PLA2G5: variants seen among roughly 807,000 people sequenced by gnomAD.
PLA2G5 encodes phospholipase A2 group V, also known as Ca2+-dependent phospholipase A2.
Under a neutral mutation model 15.9 loss-of-function variants are expected in PLA2G5, and 12 were observed. The ratio of observed to expected loss-of-function variants is 0.76; its 90% CI spans 0.48 to 1.23. The LOEUF (loss-of-function observed/expected upper bound fraction) is 1.23. Ranked by LOEUF, PLA2G5 falls within the 50% of genes most tolerant of loss-of-function variation. The pLI is 0.00. For synonymous variants in PLA2G5, 71 were observed against 71.4 expected, an observed-to-expected ratio of 0.99 and a Z score of 0.03; for missense variants, 169 against 177.1, an observed-to-expected ratio of 0.95 and a Z score of 0.26.
At chr1:20,062,994 G>A (rs681784) in intron 2 of PLA2G5, among the ~76,000 whole-genome samples, 3 of 152,118 alleles carry the variant, frequency 2.0e-5, no homozygotes, top group South Asian at 2.1e-4. Flanking sequence ...ATCCATGGAC[G>A]TGGGGAAGCA....
chr1:20,029,575 C>G (rs2012794442), intron 1 of PLA2G5, among the ~76,000 whole-genome samples: 1 of 152,110 alleles, frequency 6.6e-6, no homozygotes, highest in Non-Finnish European at 1.5e-5. Flanking sequence ...ATTTGGGCAG[C>G]AAATGCCTGT....
intron 1 of PLA2G5, among the ~76,000 whole-genome samples, chr1:20,040,205 TCCTTTGCTATA>T (rs1329289279): frequency 2.6e-5 from 4 of 152,194 alleles, no homozygotes; most frequent in African/African-American, 9.7e-5. Context: ...ATACTATATG[TCCTTTGCTATA>T]CCCAGGCACT....
intron 1 of PLA2G5, among the ~76,000 whole-genome samples, chr1:20,071,367 C>T (rs1279137031): frequency 6.6e-6 from 1 of 152,158 alleles, no homozygotes; most frequent in African/African-American, 2.4e-5. Flanking sequence ...GAGACACCCT[C>T]AAGGATTCAC....
chr1:20,048,220 T>C (rs1356640514), intron 1 of PLA2G5, among the ~76,000 whole-genome samples: 2 of 152,190 alleles, frequency 1.3e-5, no homozygotes, highest in African/African-American at 4.8e-5. Flanking sequence ...TTTTCAAGTT[T>C]AATAACTTAA....
chr1:20,057,367 A>C (rs2014489280), intron 1 of PLA2G5, among the ~76,000 whole-genome samples: 1 of 151,178 alleles, frequency 6.6e-6, no homozygotes, highest in Non-Finnish European at 1.5e-5. Context: ...TTTTCCTTTA[A>C]ACACTGTTGT....
chr1:20,043,510 G>A (rs894684244), intron 1 of PLA2G5, among the ~76,000 whole-genome samples: 8 of 152,034 alleles, frequency 5.3e-5, no homozygotes, highest in Non-Finnish European at 1.5e-5. Context: ...AGGGAGTAGA[G>A]GTGTCCCATA....
At chr1:20,057,979 T>C (rs2014522382) in intron 1 of PLA2G5, among the ~76,000 whole-genome samples, 1 of 152,226 alleles carries the variant, frequency 6.6e-6, no homozygotes, top group Non-Finnish European at 1.5e-5. Flanking sequence ...TCCATTGTGG[T>C]CTAAAAGCAT....
In PLA2G5 at chr1:20,091,777, C is replaced by T. The variant is rs779114855; in HGVS notation, c.*1085C>T. The stretch of plus-strand genomic sequence containing the variant: ...ATGTATTCCAAAACAAAGGAACATC[C>T]TTCCAAGAAAGGACCTATGGCTTCT... On this transcript the variant is annotated 3_prime_UTR_variant, in exon 5 of 5. Coordinates refer to ENST00000375108, the MANE Select transcript of PLA2G5 (RefSeq NM_000929.3). 3.9e-5 allele frequency among the ~76,000 whole-genome samples: 6 copies of T among 152,260 alleles called. No homozygotes were observed. The Middle Eastern group carries it at 0.01, about 259-fold the overall frequency.
Position 20,070,384 on chromosome 1 carries a change from G to T in PLA2G5, c.-92G>T, listed in dbSNP as rs1325000378. 3.0e-6 allele frequency: 3 copies of T among 985,380 alleles called. No individual in the cohort carries two copies. In the East Asian group the frequency reaches 3.4e-4, roughly 112 times the overall value. 61.0% of individuals were successfully genotyped at this position (985,380 alleles called of 1,614,324 possible). A position where few individuals can be genotyped will look rare whatever the true frequency, so the allele number is the denominator to read the frequency against. ...CCGACTGGAGACGGGGAGCCCGCGA[G>T]ACCCGGGTCTCCAGGGTCTGCCCAA... On this transcript the variant is annotated 5_prime_UTR_variant, in exon 1 of 5. Coordinates refer to ENST00000375108, the MANE Select transcript of PLA2G5 (RefSeq NM_000929.3).
At chr1:20,057,009 T>C (rs1332003626) in intron 1 of PLA2G5, among the ~76,000 whole-genome samples, 1 of 152,184 alleles carries the variant, frequency 6.6e-6, no homozygotes, top group Non-Finnish European at 1.5e-5. Context: ...CATGGAGTTG[T>C]TTATAATATT....
rs2020884 is a variant in PLA2G5, at chr1:20,089,918, G to A, written c.292+23G>A. The A allele has an allele frequency of 3.0e-3, 4,706 of 1,564,064 alleles. 115 individuals are homozygous for A. In the African/African-American group the frequency reaches 0.055, roughly 18 times the overall value. On this transcript the variant is annotated intron_variant, in intron 4 of 4. Coordinates refer to ENST00000375108, the MANE Select transcript of PLA2G5 (RefSeq NM_000929.3). ...GCGGTAAGGCTGGGGCTTCCCGTTC[G>A]GGCCATTGGAAGAGCACCTGACTTT... is the stretch of plus-strand genomic sequence containing the variant.
chr1:20,029,382 T>TGTTC (rs2012770391), intron 1 of PLA2G5, among the ~76,000 whole-genome samples: 1 of 151,944 alleles, frequency 6.6e-6, no homozygotes, highest in Non-Finnish European at 1.5e-5. Flanking sequence ...TCCGCTGACA[T>TGTTC]GTTCCTCCGC....
chr1:20,090,950 C>T lies in PLA2G5; in HGVS notation c.*258C>T. The T allele has an allele frequency of 2.5e-6, 1 of 397,520 alleles. No individual in the cohort carries two copies. Among genetic ancestry groups the T allele is most frequent in the South Asian group, 5.0e-5 (1 of 19,806 alleles). The allele number at this position is 397,520 out of a possible 1,614,324, so 24.6% of individuals were successfully genotyped here. A position where few individuals can be genotyped will look rare whatever the true frequency, so the allele number is the denominator to read the frequency against. ...CAGCCCCTCTGGTGCCAAGAGCTCT[C>T]CTCCAACTCAGGGTTGGCTGTGTCT... On this transcript the variant is annotated 3_prime_UTR_variant, in exon 5 of 5. Coordinates refer to ENST00000375108, the MANE Select transcript of PLA2G5 (RefSeq NM_000929.3).
chr1:20,067,987 C>T (rs2015135976), upstream of PLA2G5, among the ~76,000 whole-genome samples: 1 of 152,044 alleles, frequency 6.6e-6, no homozygotes, highest in Non-Finnish European at 1.5e-5. Flanking sequence ...GGCATGGTGA[C>T]AGGCCCCCGT....
At position 20,045,938 on chromosome 1, in the gene PLA2G5, G is replaced by A. The variant is rs145782876; in HGVS notation, n.277-13694G>A. ...GTGGAGATCTAAAGTTTATTTTGCT[G>A]TACAACTCTACCCACCCCATCCTTT... On this transcript the variant is annotated intron_variant and non_coding_transcript_variant, in intron 1 of 6. Transcript: ENST00000460175. Among the ~76,000 whole-genome samples the A allele has an allele frequency of 3.4e-4, 51 of 152,158 alleles. 1 individual carries two copies. The highest frequency in any genetic ancestry group is 9.4e-4 in the African/African-American group (39 of 41,510).
At chr1:20,083,385 G>A (rs764773401) in intron 1 of PLA2G5, among the ~76,000 whole-genome samples, 3 of 151,802 alleles carry the variant, frequency 2.0e-5, no homozygotes, top group South Asian at 2.1e-4. Flanking sequence ...CTTGGGAGGC[G>A]CCAGGGGTTC....
chr1:20,060,201 C>CCCT (rs2014637876), intron 2 of PLA2G5, among the ~76,000 whole-genome samples: 1 of 150,370 alleles, frequency 6.7e-6, no homozygotes, highest in East Asian at 2.0e-4. Flanking sequence ...TGTTAACCAG[C>CCCT]CCTTATCTTC....
At chr1:20,079,641 G>A (rs1317221382) in intron 1 of PLA2G5, among the ~76,000 whole-genome samples, 2 of 152,186 alleles carry the variant, frequency 1.3e-5, no homozygotes, top group Admixed American at 1.3e-4. Context: ...CTCCCAGGGT[G>A]AGCCATTGTG....
upstream of PLA2G5, among the ~76,000 whole-genome samples, chr1:20,067,945 C>G (rs998148676): frequency 2.0e-5 from 3 of 152,052 alleles, no homozygotes; most frequent in Non-Finnish European, 4.4e-5. Flanking sequence ...ATGGTGGAAC[C>G]TCATCTCTAC....
Sources: gnomAD v4.1 joint callset for allele counts (sites outside exome capture counted in the v4.1 genomes callset) on GRCh38, gnomAD v4.1.1 for gene constraint, MANE v1.5 for transcripts, NCBI Gene and HGNC (gene_info 2026-07-23, HGNC 2026-07-21) for gene names.